Variants in COL15A1 observed in about 807,000 individuals in gnomAD.
COL15A1 encodes the protein collagen alpha-1(XV) chain.
A neutral mutation model predicts 165.9 loss-of-function variants in COL15A1; 111 were observed. The observed-to-expected ratio is 0.67, with a 90% CI of 0.57 to 0.78. COL15A1 has a LOEUF of 0.78. COL15A1 is among the 30% of genes least tolerant of loss of function. COL15A1 has a pLI of 0.00. For missense variants in COL15A1, 1,745 were observed against 1,789.7 expected, an observed-to-expected ratio of 0.98 and a Z score of 0.45; for synonymous variants, 659 against 674.8, an observed-to-expected ratio of 0.98 and a Z score of 0.36.
chr9:99,023,355 A>C lies in COL15A1; in HGVS notation c.1762-2A>C. The C allele has an allele frequency of 6.3e-7, 1 of 1,597,690 alleles. No homozygotes were observed. The highest frequency in any genetic ancestry group is 8.5e-7 in the Non-Finnish European group (1 of 1,171,176). The stretch of plus-strand genomic sequence containing the variant: ...AGTAGTGGAAATTTCTTCTCTTTCC[A>C]GGCAGGAGCAGAAGCAGAGGGCTCT... On this transcript the variant is annotated splice_acceptor_variant, in intron 13 of 41. Coordinates refer to ENST00000375001, the MANE Select transcript of COL15A1 (RefSeq NM_001855.5). LOFTEE classifies it high-confidence loss of function.
chr9:99,030,249 C>A (rs954408091), intron 16 of COL15A1, among the ~76,000 whole-genome samples: 1 of 152,136 alleles, frequency 6.6e-6, no homozygotes, highest in Non-Finnish European at 1.5e-5. Context: ...TGAACTGATA[C>A]CTTCATATTT....
rs1160007577 is a variant in COL15A1 at position 99,055,312 on chromosome 9, C to T, written c.3132C>T (p.Asp1044=). The stretch of plus-strand genomic sequence containing the variant: ...AAGGTGAAAAAGGAGAAAAAGGAGA[C>T]ATTAATGGCAGCTTCCTTATGTCTG... ...GFKGEKGEKG[D]INGSFLMSGP... The change falls in exon 34 of 42, where the codon GAC becomes GAT. Residue 1044 remains aspartate, a synonymous_variant. Transcript: ENST00000375001. 1 of 1,613,980 alleles carries T rather than the reference C, an allele frequency of 6.2e-7. No individual in the cohort carries two copies. Among genetic ancestry groups the T allele is most frequent in the East Asian group, 2.2e-5 (1 of 44,882 alleles).
At chr9:98,951,015 C>T (rs1380324366) in intron 2 of COL15A1, among the ~76,000 whole-genome samples, 7 of 152,112 alleles carry the variant, frequency 4.6e-5, no homozygotes, top group Non-Finnish European at 1.0e-4. Flanking sequence ...ATCAGAGCAG[C>T]GCAGAACTTC....
chr9:99,012,944 C>T (rs554139253), intron 9 of COL15A1, among the ~76,000 whole-genome samples: 8 of 152,198 alleles, frequency 5.3e-5, no homozygotes, highest in African/African-American at 1.9e-4. Flanking sequence ...GAACTCCTGA[C>T]TTCATGATCC....
intron 9 of COL15A1, among the ~76,000 whole-genome samples, chr9:99,006,279 A>C (rs1385220846): frequency 6.6e-6 from 1 of 152,238 alleles, no homozygotes; most frequent in Admixed American, 6.5e-5. Context: ...TCCCTACCAG[A>C]ATGTAAGCTC....
At position 99,016,105 on chromosome 9, in the gene COL15A1, A is replaced by G; in HGVS notation, c.1633A>G (p.Arg545Gly). Residue 545 changes from arginine (R) to glycine (G), a missense_variant, in exon 11 of 42, where the codon AGA (arginine) becomes GGA (glycine). Physicochemically the swap from Arg to Gly is moderately radical, Grantham distance 125. Transcript: ENST00000375001. Reference sequence around the variant, plus strand: ...GCCCCTGCCCACAGTGGCTCCTGAAAGATGGATCACTCCAGTAAGTGGCAT... The same window carrying G: ...GCCCCTGCCCACAGTGGCTCCTGAAGGATGGATCACTCCAGTAAGTGGCAT... ...PLPLPTVAPE[R>G]WITPAQREHV... 6.2e-7 allele frequency: 1 copy of G among 1,611,878 alleles called. No individual in the cohort carries two copies. The highest frequency in any genetic ancestry group is 1.1e-5 in the South Asian group (1 of 90,836).
At chr9:99,054,365 C>G (rs570166332) in intron 31 of COL15A1, among the ~76,000 whole-genome samples, 1 of 152,266 alleles carries the variant, frequency 6.6e-6, no homozygotes, top group East Asian at 1.9e-4. Context: ...CTGTCTGTCT[C>G]CCAGTAGACT....
intron 2 of COL15A1, among the ~76,000 whole-genome samples, chr9:98,961,257 T>G (rs1363066473): frequency 6.6e-6 from 1 of 152,218 alleles, no homozygotes; most frequent in East Asian, 1.9e-4. Context: ...CCCTCTAGGA[T>G]CCTATAGTCT....
chr9:99,038,692 T>G lies in COL15A1; in HGVS notation c.2434T>G (p.Phe812Val). Residue 812 changes from phenylalanine (F) to valine (V), a missense_variant, in exon 22 of 42, where the codon TTC becomes GTC. Phe to Val is a conservative substitution (Grantham distance 50). Coordinates refer to ENST00000375001, the MANE Select transcript of COL15A1 (RefSeq NM_001855.5). The stretch of plus-strand genomic sequence containing the variant: ...GTCCTTGATCAATATCACCCATGGA[T>G]TCATGAATTTCTCGGACATTCCTGA... ...SNSLINITHG[F>V]MNFSDIPELV... The G allele has an allele frequency of 6.2e-7, 1 of 1,609,928 alleles. No individual in the cohort carries two copies. Among genetic ancestry groups the G allele is most frequent in the South Asian group, 1.1e-5 (1 of 90,946 alleles).
chr9:99,004,336 A>C (rs1354139101), intron 8 of COL15A1, among the ~76,000 whole-genome samples: 1 of 152,140 alleles, frequency 6.6e-6, no homozygotes, highest in African/African-American at 2.4e-5. Context: ...GGATGTGGCC[A>C]ACAATGTCAG....
intron 13 of COL15A1, among the ~76,000 whole-genome samples, chr9:99,022,492 G>T (rs1357042670): frequency 1.3e-5 from 2 of 152,128 alleles, no homozygotes; most frequent in Non-Finnish European, 2.9e-5. Flanking sequence ...TCCTTGAGTG[G>T]TCCTCTGCCT....
chr9:98,980,056 G>A (rs1440416418), intron 2 of COL15A1, among the ~76,000 whole-genome samples: 3 of 152,080 alleles, frequency 2.0e-5, no homozygotes, highest in Non-Finnish European at 4.4e-5. Flanking sequence ...CATTTGGGAG[G>A]CTGAGAGGTG....
chr9:98,972,872 A>G (rs1838083569), intron 2 of COL15A1, among the ~76,000 whole-genome samples: 2 of 152,170 alleles, frequency 1.3e-5, no homozygotes, highest in African/African-American at 4.8e-5. Context: ...GCCACAAGGA[A>G]AGCTTGAAAG....
rs753485476 is a variant in COL15A1, at chr9:99,040,523, G to A, written c.2478G>A (p.Gly826=). ...GCTCTATCTTTGGTGTGTCACAGGG[G>A]CCGGACGGGTTGCCTGGGCTGCCAG... is the stretch of plus-strand genomic sequence containing the variant. ...SDIPELVGPP[G]PDGLPGLPGF... is the part of the protein sequence containing the mutation. The change falls in exon 23 of 42, where the codon GGG becomes GGA. Residue 826 remains glycine, a splice_region_variant and synonymous_variant. Coordinates refer to ENST00000375001, the MANE Select transcript of COL15A1 (RefSeq NM_001855.5). 6.2e-6 allele frequency: 10 copies of A among 1,614,056 alleles called. No homozygotes were observed. Among genetic ancestry groups the A allele is most frequent in the African/African-American group, 4.0e-5 (3 of 74,906 alleles).
Position 99,069,981 on chromosome 9 carries a change from G to GGTTT in COL15A1, c.*95_*96insGTTT, listed in dbSNP as rs59161086. On this transcript the variant is annotated 3_prime_UTR_variant, in exon 42 of 42. Coordinates refer to ENST00000375001, the MANE Select transcript of COL15A1 (RefSeq NM_001855.5). ...ATGTTTAATTGTTGTAAATATTACA[G>GGTTT]TTTTTTTTTTTTACTACATATTCTT... 85 of 789,054 alleles carry GGTTT rather than the reference G, an allele frequency of 1.1e-4. No homozygotes were observed. The highest frequency in any genetic ancestry group is 1.5e-4 in the East Asian group (5 of 33,432). 48.9% of individuals were successfully genotyped at this position (789,054 alleles called of 1,614,324 possible).
chr9:98,979,362 C>T (rs1374693191), intron 2 of COL15A1, among the ~76,000 whole-genome samples: 11 of 152,206 alleles, frequency 7.2e-5, no homozygotes. Flanking sequence ...GCCTTAAACC[C>T]TTGCCAACAC....
At chr9:98,966,765 A>G (rs1440138165) in intron 2 of COL15A1, among the ~76,000 whole-genome samples, 1 of 152,216 alleles carries the variant, frequency 6.6e-6, no homozygotes, top group Non-Finnish European at 1.5e-5. Flanking sequence ...CAGCAAAGCT[A>G]CAATCGACTC....
At chr9:98,944,516 C>T (rs556785769) in intron 2 of COL15A1, among the ~76,000 whole-genome samples, 1 of 152,290 alleles carries the variant, frequency 6.6e-6, no homozygotes, top group South Asian at 2.1e-4. Flanking sequence ...AGCCTCCAAT[C>T]TTAGGCAGAG....
At chr9:98,953,467 A>T (rs1156834198) in intron 2 of COL15A1, among the ~76,000 whole-genome samples, 1 of 151,950 alleles carries the variant, frequency 6.6e-6, no homozygotes, top group African/African-American at 2.4e-5. Context: ...ACCTAATCCA[A>T]TTCAACCCAC....
Sources: allele counts gnomAD v4.1 joint callset (sites outside exome capture counted in the v4.1 genomes callset), GRCh38; gene constraint gnomAD v4.1.1; transcripts MANE v1.5; gene names NCBI Gene and HGNC (gene_info 2026-07-23, HGNC 2026-07-21).